Variants in TMEM71 observed in about 807,000 individuals in gnomAD.
The protein encoded by TMEM71 is transmembrane protein 71.
Under a neutral mutation model 38.0 loss-of-function variants are expected in TMEM71, and 44 were observed. The ratio of observed to expected loss-of-function variants is 1.16; its 90% confidence interval spans 0.91 to 1.49. The LOEUF is 1.49. Ranked by LOEUF, TMEM71 falls within the 40% of genes most tolerant of loss-of-function variation. The probability of loss-of-function intolerance (pLI) is 0.00; values close to 1 mark genes in which losing one functional copy is unlikely to be tolerated. For synonymous variants in TMEM71, 133 were observed against 122.5 expected (o/e 1.09, Z -0.56); for missense variants, 367 against 348.6 (o/e 1.05, Z -0.42).
chr8:132,719,114 T>A (rs920015055), intron 7 of TMEM71, among the ~76,000 whole-genome samples: 1 of 152,240 alleles, frequency 6.6e-6, no homozygotes, highest in Non-Finnish European at 1.5e-5. Context: ...TAAACACCTG[T>A]AATTGCTACC....
chr8:132,731,941 A>G (rs951348210), intron 5 of TMEM71, among the ~76,000 whole-genome samples: 2 of 152,210 alleles, frequency 1.3e-5, no homozygotes, highest in African/African-American at 2.4e-5. Context: ...TGACATACCC[A>G]GAGAAGACCC....
chr8:132,727,750 A>G (rs757673237), intron 6 of TMEM71, 48 bp downstream of exon 6: 1 of 1,489,802 alleles, frequency 6.7e-7, no homozygotes, highest in Admixed American at 2.0e-5. Flanking sequence ...AGGCTCTGAA[A>G]GGAAGAATTC....
intron 5 of TMEM71, among the ~76,000 whole-genome samples, chr8:132,731,064 T>C (rs979024826): frequency 6.6e-6 from 1 of 152,230 alleles, no homozygotes; most frequent in African/African-American, 2.4e-5. Context: ...TACATTCTAA[T>C]ACTAGTAACA....
At chr8:132,732,362 G>A (rs963931095) in intron 5 of TMEM71, among the ~76,000 whole-genome samples, 1 of 152,136 alleles carries the variant, frequency 6.6e-6, no homozygotes, top group Non-Finnish European at 1.5e-5. Context: ...GAGAGTAAGT[G>A]GGGATGGGGA....
chr8:132,751,655 C>T lies in TMEM71; in HGVS notation c.314+130G>A, dbSNP rs529543461. The T allele has an allele frequency of 3.4e-5, 29 of 846,040 alleles. No homozygotes were observed. In the South Asian group the frequency reaches 4.3e-4, roughly 13 times the overall value. The allele number at this position is 846,040 out of a possible 1,614,324, so 52.4% of individuals were successfully genotyped here. On this transcript the variant is annotated intron_variant, in intron 4 of 9. Transcript: ENST00000677595. ...GACCTGTTGACAGGTCCCCTCTTAC[C>T]CTTTGTATTTCCACAGTCTGGAGCA...
In TMEM71 at chr8:132,720,223, C is replaced by G. The variant is rs11992433; in HGVS notation, c.752+1817G>C. Reference sequence around the variant, plus strand: ...CACTGAAGAGTTACCTTTCTTACCCCCTTCCTTACTCTACTCCCTGGAAGA... The same window carrying G: ...CACTGAAGAGTTACCTTTCTTACCCGCTTCCTTACTCTACTCCCTGGAAGA... On this transcript the variant is annotated intron_variant, in intron 7 of 9. Transcript: ENST00000677595. Among the ~76,000 whole-genome samples, 394 of 152,258 alleles carry G rather than the reference C, an allele frequency of 2.6e-3. 2 individuals carry two copies. The highest frequency in any genetic ancestry group is 8.7e-3 in the African/African-American group (360 of 41,546).
chr8:132,758,765 T>C, intron 2 of TMEM71, 75 bp downstream of exon 2: 1 of 1,357,388 alleles, frequency 7.4e-7, no homozygotes, highest in South Asian at 1.2e-5. Context: ...ATCAGCAAAA[T>C]CAAAGCAAGG....
At chr8:132,771,451 T>A in the TMEM71 span, among the ~76,000 whole-genome samples, 1 of 152,138 alleles carries the variant, frequency 6.6e-6, no homozygotes, top group Non-Finnish European at 1.5e-5. Context: ...CTTTGATATC[T>A]TAGAATCATT....
At position 132,747,017 on chromosome 8, in the gene TMEM71, T is replaced by A. The variant is rs1239985428; in HGVS notation, c.412A>T (p.Ile138Phe). The change falls in exon 5 of 10, where the codon ATC (isoleucine) becomes TTC (phenylalanine). Residue 138 changes from isoleucine to phenylalanine, a missense_variant. Coordinates refer to ENST00000677595, the MANE Select transcript of TMEM71 (RefSeq NM_001382403.1). ...SWLHGSIFGD[I>F]NSSPSEDNWL... ...TTGTCTTCACTTGGAGAAGAGTTGA[T>A]GTCACCAAAGATACTTCCATGCAGC... The A allele has an allele frequency of 2.5e-6, 4 of 1,613,796 alleles. No homozygotes were observed. In the African/African-American group the frequency reaches 5.3e-5, roughly 22 times the overall value.
At chr8:132,747,224 T>G in intron 4 of TMEM71, 110 bp from the exon 5 acceptor site, 1 of 955,472 alleles carries the variant, frequency 1.0e-6, no homozygotes, top group Non-Finnish European at 1.5e-6. Flanking sequence ...CTCACTGCAT[T>G]AATTCTACAA....
intron 3 of TMEM71, 53 bp from the exon 4 acceptor site, chr8:132,752,050 C>A: frequency 7.0e-7 from 1 of 1,433,564 alleles, no homozygotes; most frequent in East Asian, 2.3e-5. Flanking sequence ...CATCCAGTCC[C>A]AAATAAACCA....
At chr8:132,743,060 T>C (rs982023006) in intron 5 of TMEM71, among the ~76,000 whole-genome samples, 4 of 152,036 alleles carry the variant, frequency 2.6e-5, no homozygotes, top group Non-Finnish European at 5.9e-5. Flanking sequence ...ATGATTCAAT[T>C]ACCTCCCACC....
rs915235240 is a variant in TMEM71, at chr8:132,760,516, T to C, written c.-77A>G. 6.6e-6 allele frequency: 1 copy of C among 152,268 alleles called. No individual in the cohort carries two copies. Among genetic ancestry groups the C allele is most frequent in the African/African-American group, 2.4e-5 (1 of 41,472 alleles). 9.4% of individuals were successfully genotyped at this position (152,268 alleles called of 1,614,324 possible). ...GCCCACGCACATTGCTGTGCACAGG[T>C]GCTTGCAGAGAAGTTTTGTCTTCGG... On this transcript the variant is annotated 5_prime_UTR_variant, in exon 1 of 10. Coordinates refer to ENST00000677595, the MANE Select transcript of TMEM71 (RefSeq NM_001382403.1).
At chr8:132,775,675 G>A in the TMEM71 span, 1 of 332,522 alleles carries the variant, frequency 3.0e-6, no homozygotes, top group Non-Finnish European at 5.4e-6. Context: ...GAGCCGGCAG[G>A]CCGCCTGGCC....
At chr8:132,708,969 GT>G (rs1826134843), downstream of TMEM71, among the ~76,000 whole-genome samples, 1 of 152,132 alleles carries the variant, frequency 6.6e-6, no homozygotes, top group South Asian at 2.1e-4. Context: ...AATTTGCATT[GT>G]TTTAAGCCAC....
At chr8:132,719,240 C>T (rs1334207851) in intron 7 of TMEM71, among the ~76,000 whole-genome samples, 1 of 152,114 alleles carries the variant, frequency 6.6e-6, no homozygotes, top group South Asian at 2.1e-4. Flanking sequence ...ATTTGTCTTG[C>T]CTTTTCTTGA....
At chr8:132,728,133 T>C (rs1162209862) in intron 5 of TMEM71, 147 bp from the exon 6 acceptor site, 1 of 564,752 alleles carries the variant, frequency 1.8e-6, no homozygotes, top group African/African-American at 1.9e-5. Flanking sequence ...CATAGTGGGA[T>C]GGGAGAAGGA....
At chr8:132,716,441 AG>A (rs1242568022) in intron 7 of TMEM71, among the ~76,000 whole-genome samples, 5 of 152,232 alleles carry the variant, frequency 3.3e-5, no homozygotes. Flanking sequence ...TCTGTAAAAA[AG>A]CTACTCAGAC....
chr8:132,766,348 G>A, the TMEM71 span, among the ~76,000 whole-genome samples: 1 of 151,046 alleles, frequency 6.6e-6, no homozygotes, highest in Admixed American at 6.6e-5. Context: ...CACACCTCCA[G>A]GGGGAAGCAC....
Sources: allele counts gnomAD v4.1 joint callset (sites outside exome capture counted in the v4.1 genomes callset), GRCh38; gene constraint gnomAD v4.1.1; transcripts MANE v1.5; gene names NCBI Gene and HGNC (gene_info 2026-07-23, HGNC 2026-07-21).